Variants in TSHZ3 observed in about 807,000 individuals in gnomAD.
The protein encoded by TSHZ3 is teashirt zinc finger homeobox 3.
Under a neutral mutation model 64.5 loss-of-function variants are expected in TSHZ3, and 10 were observed. The observed-to-expected ratio is 0.16, with a 90% CI of 0.10 to 0.26. TSHZ3 has a LOEUF of 0.26. TSHZ3 is among the 10% of genes least tolerant of loss of function. The pLI, the probability that TSHZ3 is intolerant of heterozygous loss-of-function variation, is 1.00. For synonymous variants in TSHZ3, 608 were observed against 593.1 expected (o/e 1.03, Z -0.36); for missense variants, 1,242 against 1,421.7 (o/e 0.87, Z 2.03).
intron 4 of TSHZ3, among the ~76,000 whole-genome samples, chr19:31,221,268 A>G (rs1975391879): frequency 6.6e-6 from 1 of 152,202 alleles, no homozygotes; most frequent in Admixed American, 6.5e-5. Flanking sequence ...TAGAAAGCCA[A>G]TTTGGGCCAG....
At chr19:31,204,458 G>T (rs1024190087) in intron 5 of TSHZ3, among the ~76,000 whole-genome samples, 1 of 151,658 alleles carries the variant, frequency 6.6e-6, no homozygotes. Context: ...TTTGGGGGAG[G>T]GGTGTGGTGG....
At chr19:31,256,864 C>T (rs1219075682) in intron 1 of TSHZ3, among the ~76,000 whole-genome samples, 1 of 152,172 alleles carries the variant, frequency 6.6e-6, no homozygotes, top group Non-Finnish European at 1.5e-5. Flanking sequence ...CGATCTCCAT[C>T]CCACAGCATT....
intron 1 of TSHZ3, among the ~76,000 whole-genome samples, chr19:31,315,954 G>A (rs1231145103): frequency 1.3e-5 from 2 of 151,816 alleles, no homozygotes; most frequent in East Asian, 1.9e-4. Flanking sequence ...TTTTCCCACA[G>A]AGAAGGGTTT....
At position 31,301,182 on chromosome 19, in the gene TSHZ3, G is replaced by T. The variant is rs372878226; in HGVS notation, c.41-21430C>A. 6.6e-5 allele frequency among the ~76,000 whole-genome samples: 10 copies of T among 152,136 alleles called. No individual in the cohort carries two copies. In the South Asian group the frequency reaches 2.1e-3, roughly 32 times the overall value. On this transcript the variant is annotated intron_variant, in intron 1 of 1. Coordinates refer to ENST00000240587, the MANE Select transcript of TSHZ3 (RefSeq NM_020856.4). ...CTATGTGGGTGGAGTGGATTGCGGGGGATTTCAGTTCATCCCTCTGCAAAG... is the reference window on the plus strand; with the variant it reads ...CTATGTGGGTGGAGTGGATTGCGGGTGATTTCAGTTCATCCCTCTGCAAAG...
At chr19:31,196,443 A>G (rs1012005193) in intron 5 of TSHZ3, among the ~76,000 whole-genome samples, 1 of 151,956 alleles carries the variant, frequency 6.6e-6, no homozygotes, top group Admixed American at 6.5e-5. Flanking sequence ...GGTAAACAGC[A>G]ATGAATTTTG....
intron 1 of TSHZ3, among the ~76,000 whole-genome samples, chr19:31,334,183 ACT>A (rs954901192): frequency 1.2e-4 from 18 of 152,244 alleles, no homozygotes; most frequent in African/African-American, 4.1e-4. Flanking sequence ...GGGAGGGTCC[ACT>A]CTGCCTTATG....
chr19:31,329,310 AT>A (rs1917010587), intron 1 of TSHZ3, among the ~76,000 whole-genome samples: 1 of 152,234 alleles, frequency 6.6e-6, no homozygotes, highest in Non-Finnish European at 1.5e-5. Flanking sequence ...TACTACTGAA[AT>A]GAAGGTGTCA....
chr19:31,335,833 C>G (rs144370128), intron 1 of TSHZ3, among the ~76,000 whole-genome samples: 140 of 152,304 alleles, frequency 9.2e-4, no homozygotes, highest in African/African-American at 3.2e-3. Flanking sequence ...CCCCCGTGGG[C>G]TCCAAGTGCA....
chr19:31,291,454 C>T (rs150146665), intron 1 of TSHZ3, among the ~76,000 whole-genome samples: 247 of 152,292 alleles, frequency 1.6e-3, no homozygotes, highest in Non-Finnish European at 3.0e-3. Flanking sequence ...GAGGCCAGAA[C>T]GTCAGGAAGC....
chr19:31,270,818 G>A (rs900325461), downstream of TSHZ3, among the ~76,000 whole-genome samples: 4 of 152,164 alleles, frequency 2.6e-5, no homozygotes, highest in Non-Finnish European at 4.4e-5. Flanking sequence ...TCCTGAGTTG[G>A]CTAATTGTGG....
At chr19:31,175,898 G>A (rs77823370) in intron 5 of TSHZ3, among the ~76,000 whole-genome samples, 8 of 152,368 alleles carry the variant, frequency 5.3e-5, no homozygotes, top group Non-Finnish European at 1.0e-4. Context: ...ACTTGGGAAG[G>A]TTCTGGTCTG....
At chr19:31,271,776 C>T (rs1469205638), downstream of TSHZ3, among the ~76,000 whole-genome samples, 2 of 152,158 alleles carry the variant, frequency 1.3e-5, no homozygotes, top group African/African-American at 4.8e-5. Context: ...AATAAATCCC[C>T]AGGGAGAAAG....
chr19:31,349,394 C>G lies in TSHZ3; in HGVS notation c.-175G>C. Reference sequence around the variant, plus strand: ...GCCCAGGCTCTCCGCGTCCCCCCCGCGCCGCGCTCCGCCGCGAACCCCGAA... The same window carrying G: ...GCCCAGGCTCTCCGCGTCCCCCCCGGGCCGCGCTCCGCCGCGAACCCCGAA... On this transcript the variant is annotated 5_prime_UTR_variant, in exon 1 of 2. Coordinates refer to ENST00000240587, the MANE Select transcript of TSHZ3 (RefSeq NM_020856.4). The G allele has an allele frequency of 2.2e-6, 1 of 450,222 alleles. No individual in the cohort carries two copies. Among genetic ancestry groups the G allele is most frequent in the Non-Finnish European group, 3.7e-6 (1 of 273,182 alleles). The allele number at this position is 450,222 out of a possible 1,614,324, so 27.9% of individuals were successfully genotyped here. A position where few individuals can be genotyped will look rare whatever the true frequency, so the allele number is the denominator to read the frequency against.
intron 4 of TSHZ3, among the ~76,000 whole-genome samples, chr19:31,206,394 C>T (rs997997807): frequency 6.6e-6 from 1 of 151,964 alleles, no homozygotes. Context: ...GATGGATGGA[C>T]AGATTGATTT....
At position 31,211,753 on chromosome 19, in the gene TSHZ3, A is replaced by C. The variant is rs549424248; in HGVS notation, n.687-6675T>G. On this transcript the variant is annotated intron_variant and non_coding_transcript_variant, in intron 4 of 6. Transcript: ENST00000651361. ...GAGGAGCGGGGAGTGTGGGGTTTCA[A>C]TCAGTGGATTTGGGGTTCAGCATGA... 2.4e-4 allele frequency among the ~76,000 whole-genome samples: 36 copies of C among 152,270 alleles called. 1 individual carries two copies. In the South Asian group the frequency reaches 4.8e-3, roughly 20 times the overall value.
At chr19:31,257,279 C>T (rs1975923570) in intron 1 of TSHZ3, among the ~76,000 whole-genome samples, 1 of 152,212 alleles carries the variant, frequency 6.6e-6, no homozygotes, top group Admixed American at 6.5e-5. Flanking sequence ...TAAGCCCAGA[C>T]ACCAGCCCCA....
intron 1 of TSHZ3, among the ~76,000 whole-genome samples, chr19:31,253,188 CA>C (rs1200190267): frequency 1.3e-5 from 2 of 152,096 alleles, no homozygotes; most frequent in African/African-American, 4.8e-5. Flanking sequence ...TTCCCAGGGA[CA>C]GGGGTAGTTG....
At chr19:31,311,022 A>G (rs557307938) in intron 1 of TSHZ3, among the ~76,000 whole-genome samples, 3 of 152,186 alleles carry the variant, frequency 2.0e-5, no homozygotes, top group African/African-American at 2.4e-5. Context: ...TGCCTGTGCC[A>G]TCAGCTCAGC....
At chr19:31,328,999 G>A (rs918817203) in intron 1 of TSHZ3, among the ~76,000 whole-genome samples, 6 of 152,162 alleles carry the variant, frequency 3.9e-5, no homozygotes, top group African/African-American at 1.2e-4. Flanking sequence ...TACAGGGGCC[G>A]TGTGAGCTCC....
Sources: allele counts gnomAD v4.1 joint callset (sites outside exome capture counted in the v4.1 genomes callset), GRCh38; gene constraint gnomAD v4.1.1; transcripts MANE v1.5; gene names NCBI Gene and HGNC (gene_info 2026-07-23, HGNC 2026-07-21).